The following DCC variants were observed in gnomAD, a reference collection of about 807,000 sequenced individuals.
The protein encoded by DCC is netrin receptor DCC.
Under a neutral mutation model 172.5 loss-of-function variants are expected in DCC, and 58 were observed. The ratio of observed to expected loss-of-function variants is 0.34; its 90% CI spans 0.27 to 0.42. The LOEUF (loss-of-function observed/expected upper bound fraction) is 0.42. DCC is among the 10% of genes least tolerant of loss of function. The pLI is 1.00. For synonymous variants in DCC, 709 were observed against 644.5 expected (o/e 1.10, Z -1.52); for missense variants, 1,740 against 1,791.0 (o/e 0.97, Z 0.51).
chr18:52,651,701 C>A (rs2035134583), intron 1 of DCC, among the ~76,000 whole-genome samples: 1 of 151,982 alleles, frequency 6.6e-6, no homozygotes, highest in Non-Finnish European at 1.5e-5. Flanking sequence ...TGAATATATT[C>A]ATTTCAACAG....
chr18:52,632,065 A>G (rs1039648533), intron 1 of DCC, among the ~76,000 whole-genome samples: 3 of 152,134 alleles, frequency 2.0e-5, no homozygotes, highest in African/African-American at 7.2e-5. Flanking sequence ...TTCTGATGTC[A>G]ACTTCAGCAT....
At chr18:52,870,392 G>A (rs557001443) in intron 2 of DCC, among the ~76,000 whole-genome samples, 4 of 152,252 alleles carry the variant, frequency 2.6e-5, no homozygotes, top group Middle Eastern at 3.4e-3. Context: ...CAGCTGGAGC[G>A]ATGGCAGCCG....
intron 7 of DCC, among the ~76,000 whole-genome samples, chr18:53,088,260 G>T (rs894710961): frequency 3.3e-5 from 5 of 152,106 alleles, no homozygotes; most frequent in Non-Finnish European, 7.4e-5. Flanking sequence ...CCATTTGTTT[G>T]TATCCTCTTT....
intron 1 of DCC, among the ~76,000 whole-genome samples, chr18:52,450,305 T>C (rs1988261264): frequency 1.3e-5 from 2 of 152,202 alleles, no homozygotes; most frequent in African/African-American, 4.8e-5. Context: ...GCTGCTTTCA[T>C]TAATAATTTA....
chr18:53,380,710 ACC>A (rs1907658532), intron 15 of DCC, among the ~76,000 whole-genome samples: 6 of 151,598 alleles, frequency 4.0e-5, no homozygotes, highest in Admixed American at 3.9e-4. Context: ...CTTTAGAAAA[ACC>A]ATTGACCTTA....
intron 7 of DCC, among the ~76,000 whole-genome samples, chr18:53,076,029 A>G (rs1198642578): frequency 1.3e-5 from 2 of 152,192 alleles, no homozygotes; most frequent in African/African-American, 4.8e-5. Flanking sequence ...GGAAGGGAGT[A>G]TCAACAGATA....
At chr18:53,289,143 A>G (rs961749086) in intron 12 of DCC, among the ~76,000 whole-genome samples, 1 of 118,928 alleles carries the variant, frequency 8.4e-6, no homozygotes, top group African/African-American at 3.3e-5. Flanking sequence ...AGTGGTAAGA[A>G]TATCTGCATG....
intron 1 of DCC, among the ~76,000 whole-genome samples, chr18:52,366,387 C>T (rs1008178223): frequency 5.3e-5 from 8 of 152,170 alleles, no homozygotes; most frequent in African/African-American, 7.2e-5. Context: ...AATGCTGGCT[C>T]GGGCAGCCTG....
At chr18:52,824,663 A>G (rs2038474948) in intron 2 of DCC, among the ~76,000 whole-genome samples, 1 of 152,136 alleles carries the variant, frequency 6.6e-6, no homozygotes, top group Non-Finnish European at 1.5e-5. Context: ...CAGCAAGAGC[A>G]GTGGAAGATT....
At chr18:53,034,443 C>G (rs1384252884) in intron 5 of DCC, among the ~76,000 whole-genome samples, 1 of 151,904 alleles carries the variant, frequency 6.6e-6, no homozygotes, top group Non-Finnish European at 1.5e-5. Flanking sequence ...ATCTTTCTTT[C>G]TCCTCCCTCA....
chr18:52,893,300 T>C (rs1281309863), intron 2 of DCC, among the ~76,000 whole-genome samples: 2 of 152,078 alleles, frequency 1.3e-5, no homozygotes, highest in African/African-American at 4.8e-5. Flanking sequence ...TGCCAGAGAA[T>C]CTCAGCAGGG....
intron 1 of DCC, among the ~76,000 whole-genome samples, chr18:52,596,637 C>T (rs1452149686): frequency 6.6e-6 from 1 of 152,064 alleles, no homozygotes; most frequent in Non-Finnish European, 1.5e-5. Flanking sequence ...AACTGAAACC[C>T]AGAGTAATAA....
intron 2 of DCC, among the ~76,000 whole-genome samples, chr18:52,888,135 G>A (rs2039595381): frequency 6.6e-6 from 1 of 152,174 alleles, no homozygotes; most frequent in South Asian, 2.1e-4. Context: ...TATTAGCACT[G>A]AGCATGCCCT....
At chr18:52,452,376 C>A (rs979658670) in intron 1 of DCC, among the ~76,000 whole-genome samples, 1 of 152,076 alleles carries the variant, frequency 6.6e-6, no homozygotes, top group Non-Finnish European at 1.5e-5. Context: ...TCTTTTTCCC[C>A]AAAATTATTC....
intron 2 of DCC, among the ~76,000 whole-genome samples, chr18:52,755,259 G>C (rs559002286): frequency 1.3e-5 from 2 of 152,296 alleles, no homozygotes; most frequent in Admixed American, 1.3e-4. Flanking sequence ...ATTATGAAAG[G>C]CAGCTGCCTA....
chr18:53,170,674 T>G (rs1347351375), intron 8 of DCC, among the ~76,000 whole-genome samples: 1 of 152,230 alleles, frequency 6.6e-6, no homozygotes, highest in Non-Finnish European at 1.5e-5. Flanking sequence ...AGGTGCCATG[T>G]ATTTTTCTTT....
chr18:53,192,126 A>T (rs972288675), intron 9 of DCC, among the ~76,000 whole-genome samples: 49 of 152,196 alleles, frequency 3.2e-4, no homozygotes, highest in Non-Finnish European at 4.3e-4. Flanking sequence ...CTTCTTAGAG[A>T]TACAGGAAAA....
chr18:52,848,206 C>G (rs1407049620), intron 2 of DCC, among the ~76,000 whole-genome samples: 1 of 151,758 alleles, frequency 6.6e-6, no homozygotes, highest in African/African-American at 2.4e-5. Flanking sequence ...CTGCCCCAGC[C>G]TCCGGAGTGC....
chr18:53,351,454 TATAC>T (rs1411790440), intron 15 of DCC, among the ~76,000 whole-genome samples: 12 of 43,600 alleles, frequency 2.8e-4, no homozygotes, highest in East Asian at 2.0e-3. Flanking sequence ...TATATATATA[TATAC>T]ACAGTGTGTA....
Sources: gnomAD v4.1 joint callset for allele counts (sites outside exome capture counted in the v4.1 genomes callset) on GRCh38, gnomAD v4.1.1 for gene constraint, MANE v1.5 for transcripts, NCBI Gene and HGNC (gene_info 2026-07-23, HGNC 2026-07-21) for gene names.